Variants in JAKMIP1 observed in about 807,000 individuals in gnomAD.
JAKMIP1 encodes the protein janus kinase and microtubule interacting protein 1, also known as janus kinase and microtubule-interacting protein 1.
A neutral mutation model predicts 113.0 loss-of-function variants in JAKMIP1; 33 were observed. The ratio of observed to expected loss-of-function variants is 0.29; its 90% CI spans 0.22 to 0.39. JAKMIP1 has a LOEUF of 0.39. Among genes scored for constraint, JAKMIP1 ranks in the 10% least tolerant of loss-of-function variants. JAKMIP1 has a pLI of 1.00. For synonymous variants in JAKMIP1, 480 were observed against 459.9 expected (o/e 1.04, Z -0.56); for missense variants, 813 against 1,080.5 (o/e 0.75, Z 3.47).
chr4:6,108,144 C>T lies in JAKMIP1; in HGVS notation c.130-2177G>A, dbSNP rs1034161053. 6.6e-6 allele frequency among the ~76,000 whole-genome samples: 1 copy of T among 152,022 alleles called. No individual in the cohort carries two copies. Among genetic ancestry groups the T allele is most frequent in the Admixed American group, 6.6e-5 (1 of 15,266 alleles). On this transcript the variant is annotated intron_variant, in intron 2 of 20. Transcript: ENST00000409021. This position sits in a 1 kb window ranked among gnomAD's most constrained non-coding sequence, Gnocchi z 5.6. ...AGGGATGGTGACAGAGAGGCAGGGGCCTGGGGACAGGGCCCTGCTGGGTCC... is the reference window on the plus strand; with the variant it reads ...AGGGATGGTGACAGAGAGGCAGGGGTCTGGGGACAGGGCCCTGCTGGGTCC...
At position 6,050,662 on chromosome 4, in the gene JAKMIP1, C is replaced by T. The variant is rs758799455; in HGVS notation, c.1824G>A (p.Ser608=). The T allele has an allele frequency of 1.3e-6, 2 of 1,563,302 alleles. No individual in the cohort carries two copies. Among genetic ancestry groups the T allele is most frequent in the Non-Finnish European group, 1.7e-6 (2 of 1,152,942 alleles). ...TGGTGATTTGGAGGTTAAATGCTGG[C>T]GACCTCCTCTCTCTCTCCTGGGGAA... ...VLELEERERR[S]PAFNLQITTF... Residue 608 remains serine (S), a synonymous_variant, in exon 14 of 21, where the codon TCG becomes TCA. Transcript: ENST00000409021. The surrounding 1 kb of genome is among the most constrained non-coding windows in gnomAD (Gnocchi z 7.4).
At chr4:6,146,541 G>A (rs557975083) in intron 1 of JAKMIP1, among the ~76,000 whole-genome samples, 2 of 152,244 alleles carry the variant, frequency 1.3e-5, no homozygotes, top group African/African-American at 2.4e-5. Context: ...CGATCCTCCC[G>A]CCTCAGCCTC....
At chr4:6,111,984 A>C (rs532300377) in intron 2 of JAKMIP1, among the ~76,000 whole-genome samples, 1 of 152,328 alleles carries the variant, frequency 6.6e-6, no homozygotes, top group Admixed American at 6.5e-5. Flanking sequence ...AGGGTCTTCC[A>C]AAGTTAACCT....
chr4:6,098,546 AAAAGAAAG>A (rs759936324), intron 3 of JAKMIP1, among the ~76,000 whole-genome samples: 107 of 46,566 alleles, frequency 2.3e-3, no homozygotes, highest in African/African-American at 3.1e-3. Context: ...GAGAGAAAGA[AAAAGAAAG>A]AAAGAAAGAA....
At chr4:6,078,160 CA>C (rs1231847047) in intron 8 of JAKMIP1, among the ~76,000 whole-genome samples, 2 of 152,028 alleles carry the variant, frequency 1.3e-5, no homozygotes, top group East Asian at 3.9e-4. Flanking sequence ...ACTAAAAATA[CA>C]AAATTTAGCC....
intron 9 of JAKMIP1, among the ~76,000 whole-genome samples, 190 bp from the exon 10 acceptor site, chr4:6,062,630 G>A (rs923567637): frequency 6.6e-6 from 1 of 152,228 alleles, no homozygotes; most frequent in Non-Finnish European, 1.5e-5. Context: ...GCATTGCCAG[G>A]AAGCAACTAG....
At position 6,200,532 on chromosome 4, in the gene JAKMIP1, T is replaced by C. The variant is rs917722199; in HGVS notation, c.-427A>G. 1 of 149,484 alleles carries C rather than the reference T, an allele frequency of 6.7e-6. No homozygotes were observed. Among genetic ancestry groups the C allele is most frequent in the East Asian group, 2.0e-4 (1 of 5,026 alleles). 9.3% of individuals were successfully genotyped at this position (149,484 alleles called of 1,614,324 possible). A position where few individuals can be genotyped will look rare whatever the true frequency, so the allele number is the denominator to read the frequency against. ...GCGATCCGGGCAGGCGGCCGGCGCG[T>C]GCCGCACGCGGGTGGCTGCAGCTCC... On this transcript the variant is annotated 5_prime_UTR_variant, in exon 1 of 21. Transcript: ENST00000409021. This position sits in a 1 kb window ranked among gnomAD's most constrained non-coding sequence, Gnocchi z 7.0.
chr4:6,090,306 G>A (rs552281269), intron 3 of JAKMIP1, among the ~76,000 whole-genome samples: 31 of 152,224 alleles, frequency 2.0e-4, no homozygotes, highest in African/African-American at 3.4e-4. Context: ...GAAGTGGTGC[G>A]ACTGCAAGTC....
chr4:6,048,722 A>G (rs1341792164), intron 16 of JAKMIP1, 135 bp downstream of exon 16: 5 of 685,680 alleles, frequency 7.3e-6, no homozygotes, highest in Non-Finnish European at 1.3e-5. Flanking sequence ...ACGGAAAGGC[A>G]TGCATGTGCA....
chr4:6,089,125 T>C lies in JAKMIP1; in HGVS notation c.625-3496A>G, dbSNP rs1345212525. Among the ~76,000 whole-genome samples the C allele has an allele frequency of 6.6e-6, 1 of 152,108 alleles. No homozygotes were observed. Among genetic ancestry groups the C allele is most frequent in the African/African-American group, 2.4e-5 (1 of 41,412 alleles). On this transcript the variant is annotated intron_variant, in intron 3 of 20. Coordinates refer to ENST00000409021, the MANE Select transcript of JAKMIP1 (RefSeq NM_001099433.2). This position sits in a 1 kb window ranked among gnomAD's most constrained non-coding sequence, Gnocchi z 5.3. ...TGTGAGAATGTGGGACCTGGCACAGTGGTGGCATCCCCCCAGCACAGCATG... is the reference window on the plus strand; with the variant it reads ...TGTGAGAATGTGGGACCTGGCACAGCGGTGGCATCCCCCCAGCACAGCATG...
Position 6,139,209 on chromosome 4 carries a change from CTT to C in JAKMIP1, c.-147-26214_-147-26213del, listed in dbSNP as rs34190198. 0.48 allele frequency among the ~76,000 whole-genome samples: 72,523 copies of C among 151,860 alleles called. 19,407 individuals are homozygous for C. Among genetic ancestry groups the C allele is most frequent in the East Asian group, 0.6 (3,122 of 5,162 alleles). ...GGAGGGTTCCCATGGGCTCCAGAAA[CTT>C]TCACTATTTAAAAGGGTTCTGCCCC... On this transcript the variant is annotated intron_variant, in intron 1 of 20. Coordinates refer to ENST00000409021, the MANE Select transcript of JAKMIP1 (RefSeq NM_001099433.2). This position sits in a 1 kb window ranked among gnomAD's most constrained non-coding sequence, Gnocchi z 5.2.
At position 6,108,094 on chromosome 4, in the gene JAKMIP1, G is replaced by C. The variant is rs2108880701; in HGVS notation, c.130-2127C>G. ...CTGGGAGGGGCAGAGGTGCTGCTGA[G>C]GCTGGTGATCCAGGTGTGTAGGGCA... On this transcript the variant is annotated intron_variant, in intron 2 of 20. Transcript: ENST00000409021. This position sits in a 1 kb window ranked among gnomAD's most constrained non-coding sequence, Gnocchi z 5.6. 6.6e-6 allele frequency among the ~76,000 whole-genome samples: 1 copy of C among 152,278 alleles called. No individual in the cohort carries two copies. The highest frequency in any genetic ancestry group is 2.4e-5 in the African/African-American group (1 of 41,580).
At chr4:6,132,111 C>T (rs1718585580) in intron 1 of JAKMIP1, among the ~76,000 whole-genome samples, 1 of 152,066 alleles carries the variant, frequency 6.6e-6, no homozygotes, top group Non-Finnish European at 1.5e-5. Flanking sequence ...ATAATAACAG[C>T]AACAGTGTAA....
intron 2 of JAKMIP1, among the ~76,000 whole-genome samples, chr4:6,109,981 A>G (rs1328266689): frequency 6.6e-6 from 1 of 152,158 alleles, no homozygotes; most frequent in Non-Finnish European, 1.5e-5. Flanking sequence ...CGTGCATCCA[A>G]GTGGAAATTG....
intron 3 of JAKMIP1, among the ~76,000 whole-genome samples, chr4:6,092,690 G>A (rs1025864509): frequency 2.0e-5 from 3 of 152,238 alleles, no homozygotes; most frequent in Non-Finnish European, 2.9e-5. Context: ...CAAGTCATTG[G>A]AAGGCAGAGA....
chr4:6,056,867 T>A, intron 11 of JAKMIP1, 108 bp from the exon 12 acceptor site: 1 of 781,372 alleles, frequency 1.3e-6, no homozygotes, highest in Non-Finnish European at 2.2e-6. Flanking sequence ...CATGGAAAGG[T>A]CATAAAAAAT....
Position 6,184,465 on chromosome 4 carries a change from G to T in JAKMIP1, c.-148+15788C>A, listed in dbSNP as rs1726411929. Among the ~76,000 whole-genome samples, 1 of 152,104 alleles carries T rather than the reference G, an allele frequency of 6.6e-6. No homozygotes were observed. Among genetic ancestry groups the T allele is most frequent in the Admixed American group, 6.5e-5 (1 of 15,274 alleles). ...ATCACAAGGAGGGAGAGAGGGCAAG[G>T]CAAGTGCAGTATAAGAGCCAGGGTG... On this transcript the variant is annotated intron_variant, in intron 1 of 20. Coordinates refer to ENST00000409021, the MANE Select transcript of JAKMIP1 (RefSeq NM_001099433.2). The surrounding 1 kb of genome is among the most constrained non-coding windows in gnomAD (Gnocchi z 4.5).
chr4:6,171,734 T>C (rs1724754582), intron 1 of JAKMIP1, among the ~76,000 whole-genome samples: 1 of 152,158 alleles, frequency 6.6e-6, no homozygotes, highest in Non-Finnish European at 1.5e-5. Context: ...ACCGTGCAGG[T>C]AGGACTGTGC....
chr4:6,181,685 G>A lies in JAKMIP1; in HGVS notation c.-148+18568C>T, dbSNP rs1429433044. On this transcript the variant is annotated intron_variant, in intron 1 of 20. Coordinates refer to ENST00000409021, the MANE Select transcript of JAKMIP1 (RefSeq NM_001099433.2). This position sits in a 1 kb window ranked among gnomAD's most constrained non-coding sequence, Gnocchi z 5.4. Reference sequence around the variant, plus strand: ...AGTCAATTGGCATCAGAGAGGGAGAGCAGCAGCAACGCAAGCTCCATTCAT... The same window carrying A: ...AGTCAATTGGCATCAGAGAGGGAGAACAGCAGCAACGCAAGCTCCATTCAT... Among the ~76,000 whole-genome samples, 1 of 152,142 alleles carries A rather than the reference G, an allele frequency of 6.6e-6. No homozygotes were observed. Among genetic ancestry groups the A allele is most frequent in the African/African-American group, 2.4e-5 (1 of 41,426 alleles).
Sources: allele counts gnomAD v4.1 joint callset (sites outside exome capture counted in the v4.1 genomes callset), GRCh38; gene constraint gnomAD v4.1.1; non-coding constraint Gnocchi (gnomAD v3.1); transcripts MANE v1.5; gene names NCBI Gene and HGNC (gene_info 2026-07-23, HGNC 2026-07-21).